Variants in WDTC1 observed in about 807,000 individuals in gnomAD.
The protein encoded by WDTC1 is WD and tetratricopeptide repeats protein 1.
A neutral mutation model predicts 76.0 loss-of-function variants in WDTC1; 12 were observed. The ratio of observed to expected loss-of-function variants is 0.16; its 90% confidence interval spans 0.10 to 0.26. The LOEUF (loss-of-function observed/expected upper bound fraction) is 0.26. WDTC1 is among the 10% of genes least tolerant of loss of function. WDTC1 has a pLI of 1.00. For missense variants in WDTC1, 511 were observed against 908.8 expected (o/e 0.56, Z 5.63); for synonymous variants, 326 against 350.8 (o/e 0.93, Z 0.79).
intron 1 of WDTC1, among the ~76,000 whole-genome samples, chr1:27,238,998 C>CTT (rs61324262): frequency 3.3e-5 from 3 of 91,672 alleles, no homozygotes; most frequent in African/African-American, 1.1e-4. Flanking sequence ...CCGCTCCTGG[C>CTT]TTTTTTTTTT....
chr1:27,243,448 A>G (rs924201530), intron 1 of WDTC1, among the ~76,000 whole-genome samples: 28 of 151,682 alleles, frequency 1.8e-4, no homozygotes, highest in Non-Finnish European at 4.0e-4. Context: ...CCTGACCTCA[A>G]GTGATCTGCC....
chr1:27,273,817 A>C (rs2012943671), intron 3 of WDTC1, among the ~76,000 whole-genome samples: 1 of 149,906 alleles, frequency 6.7e-6, no homozygotes, highest in Admixed American at 6.6e-5. Context: ...TAAGTACTTT[A>C]CACGTGTGTG....
chr1:27,273,879 G>C (rs150867046), intron 3 of WDTC1, among the ~76,000 whole-genome samples: 72 of 151,956 alleles, frequency 4.7e-4, no homozygotes, highest in African/African-American at 1.7e-3. Flanking sequence ...GAGGGAGAGG[G>C]AAAAAGATTA....
At chr1:27,259,309 G>T (rs2012394171) in intron 1 of WDTC1, among the ~76,000 whole-genome samples, 1 of 145,164 alleles carries the variant, frequency 6.9e-6, no homozygotes, top group South Asian at 2.2e-4. Flanking sequence ...ACAGGCGCAT[G>T]CCACCATGCC....
intron 9 of WDTC1, among the ~76,000 whole-genome samples, chr1:27,295,691 G>A (rs1022931289): frequency 7.9e-5 from 12 of 152,016 alleles, no homozygotes; most frequent in African/African-American, 2.9e-4. Flanking sequence ...CTGACCTCAG[G>A]TGATCCGCCC....
Position 27,260,951 on chromosome 1 carries a change from C to A in WDTC1, c.-99-5C>A. On this transcript the variant is annotated splice_region_variant and splice_polypyrimidine_tract_variant and intron_variant, in intron 1 of 15. Coordinates refer to ENST00000319394, the MANE Select transcript of WDTC1 (RefSeq NM_001276252.2). ...CTCCAAAGTTTGATGATTTTTTTCC[C>A]CCAGGTAATTAAATGTGTATTTTGT... 2.3e-6 allele frequency: 3 copies of A among 1,302,518 alleles called. No homozygotes were observed. The allele number at this position is 1,302,518 out of a possible 1,614,324, so 80.7% of individuals were successfully genotyped here.
chr1:27,258,146 C>T (rs1385278550), intron 1 of WDTC1, among the ~76,000 whole-genome samples: 1 of 151,352 alleles, frequency 6.6e-6, no homozygotes, highest in East Asian at 2.0e-4. Context: ...TGCCTGTAAT[C>T]CCAGCACTTT....
Position 27,234,785 on chromosome 1 carries a change from C to G in WDTC1, c.-266C>G. ...GGCGGGCGGAGGCGCTGTCCGGCCC[C>G]GGCCAGGCGCCGGGCGGGGAGCATG... is the stretch of plus-strand genomic sequence containing the variant. On this transcript the variant is annotated 5_prime_UTR_variant, in exon 1 of 16. Transcript: ENST00000319394. 1 of 398,384 alleles carries G rather than the reference C, an allele frequency of 2.5e-6. No homozygotes were observed. Among genetic ancestry groups the G allele is most frequent in the East Asian group, 3.6e-5 (1 of 27,998 alleles). 24.7% of individuals were successfully genotyped at this position (398,384 alleles called of 1,614,324 possible).
chr1:27,297,714 G>T (rs1204317749), intron 11 of WDTC1, among the ~76,000 whole-genome samples: 1 of 152,106 alleles, frequency 6.6e-6, no homozygotes, highest in Non-Finnish European at 1.5e-5. Context: ...CTTTTCACTG[G>T]CTGAGAGTAT....
At chr1:27,286,205 G>A (rs1375152425) in intron 5 of WDTC1, among the ~76,000 whole-genome samples, 1 of 151,254 alleles carries the variant, frequency 6.6e-6, no homozygotes, top group Non-Finnish European at 1.5e-5. Flanking sequence ...GTTTCACCAT[G>A]TTGGCCAGGG....
chr1:27,288,205 G>A (rs1247589159), intron 6 of WDTC1, among the ~76,000 whole-genome samples: 1 of 151,998 alleles, frequency 6.6e-6, no homozygotes, highest in African/African-American at 2.4e-5. Context: ...CTTATCCTAA[G>A]GAGATCAGCT....
intron 1 of WDTC1, among the ~76,000 whole-genome samples, chr1:27,260,122 C>T (rs1199862890): frequency 6.6e-6 from 1 of 151,684 alleles, no homozygotes; most frequent in East Asian, 1.9e-4. Flanking sequence ...TGTTTTGTTT[C>T]GAGATGGAGT....
chr1:27,269,902 G>A (rs56412320), intron 3 of WDTC1, among the ~76,000 whole-genome samples: 56 of 135,324 alleles, frequency 4.1e-4, no homozygotes, highest in Non-Finnish European at 7.9e-4. Context: ...GAGCCACCAC[G>A]CCCGGCCTTT....
rs549767988 is a variant in WDTC1, at chr1:27,304,843, T to C, written c.1644-158T>C. On this transcript the variant is annotated intron_variant, in intron 14 of 15. Transcript: ENST00000319394. ...TAAGAGAACAGTGACCAGGGCTATA[T>C]ACCTGGAGGAATTCTGGGTCAAGTG... is the stretch of plus-strand genomic sequence containing the variant. 7 of 683,794 alleles carry C rather than the reference T, an allele frequency of 1.0e-5. No individual in the cohort carries two copies. In the Admixed American group the frequency reaches 1.2e-4, roughly 12 times the overall value. 42.4% of individuals were successfully genotyped at this position (683,794 alleles called of 1,614,324 possible).
At chr1:27,287,537 C>A in intron 5 of WDTC1, 137 bp from the exon 6 acceptor site, 2 of 963,328 alleles carry the variant, frequency 2.1e-6, no homozygotes, top group Non-Finnish European at 3.0e-6. Context: ...CAGGCATGAG[C>A]CACCGCGCCC....
intron 5 of WDTC1, among the ~76,000 whole-genome samples, chr1:27,287,324 A>G (rs531319629): frequency 2.6e-5 from 4 of 152,202 alleles, no homozygotes; most frequent in African/African-American, 7.2e-5. Context: ...CTTGAACACA[A>G]TCTTGCTGTA....
chr1:27,294,563 G>C lies in WDTC1; in HGVS notation c.807G>C (p.Leu269=), dbSNP rs201661201. 8.7e-6 allele frequency: 14 copies of C among 1,614,166 alleles called. No individual in the cohort carries two copies. Among genetic ancestry groups the C allele is most frequent in the Non-Finnish European group, 1.1e-5 (13 of 1,180,024 alleles). ...LPDYNNRLRV[L]VATYVTFSPN... ...ACTACAACAACCGTTTGAGAGTGCTGGTTGCCACCTATGTGACCTTCAGCC... is the reference window on the plus strand; with the variant it reads ...ACTACAACAACCGTTTGAGAGTGCTCGTTGCCACCTATGTGACCTTCAGCC... The change falls in exon 9 of 16, where the codon CTG becomes CTC. Residue 269 remains leucine, a synonymous_variant. Coordinates refer to ENST00000319394, the MANE Select transcript of WDTC1 (RefSeq NM_001276252.2).
chr1:27,235,150 C>T (rs1342158566), intron 1 of WDTC1, among the ~76,000 whole-genome samples, 199 bp downstream of exon 1: 1 of 141,642 alleles, frequency 7.1e-6, no homozygotes, highest in Non-Finnish European at 1.6e-5. Flanking sequence ...GGTCCGGGGG[C>T]GGGGTGGGGG....
At position 27,234,703 on chromosome 1, in the gene WDTC1, G is replaced by C. The variant is rs1024574261; in HGVS notation, c.-348G>C. 3 of 398,032 alleles carry C rather than the reference G, an allele frequency of 7.5e-6. No homozygotes were observed. The highest frequency in any genetic ancestry group is 8.9e-6 in the Non-Finnish European group (2 of 225,662). 24.7% of individuals were successfully genotyped at this position (398,032 alleles called of 1,614,324 possible). A position where few individuals can be genotyped will look rare whatever the true frequency, so the allele number is the denominator to read the frequency against. ...GGAGGAGGGAGGGGAGTGCGTGTGT[G>C]AGAGCGCGCGAGGGAGTGTGAGTGT... On this transcript the variant is annotated 5_prime_UTR_variant, in exon 1 of 16. Transcript: ENST00000319394.
Sources: gnomAD v4.1 joint callset for allele counts (sites outside exome capture counted in the v4.1 genomes callset) on GRCh38, gnomAD v4.1.1 for gene constraint, MANE v1.5 for transcripts, NCBI Gene and HGNC (gene_info 2026-07-23, HGNC 2026-07-21) for gene names.